SNX29: variants seen among roughly 807,000 people sequenced by gnomAD.
The protein encoded by SNX29 is sorting nexin-29.
A neutral mutation model predicts 102.1 loss-of-function variants in SNX29; 78 were observed. The ratio of observed to expected loss-of-function variants is 0.76; its 90% CI spans 0.64 to 0.92. The LOEUF is 0.92. Ranked by LOEUF, SNX29 falls within the 40% of genes least tolerant of loss-of-function variation. SNX29 has a pLI of 0.00. For missense variants in SNX29, 1,280 were observed against 1,061.7 expected, an observed-to-expected ratio of 1.21 and a Z score of -2.86; for synonymous variants, 580 against 414.5, an observed-to-expected ratio of 1.40 and a Z score of -4.85.
intron 15 of SNX29, among the ~76,000 whole-genome samples, chr16:12,306,613 G>A (rs2080346869): frequency 6.6e-6 from 1 of 152,132 alleles, no homozygotes. Flanking sequence ...ATTCCCTCCA[G>A]CGGAAATTGA....
chr16:12,335,190 C>T (rs1020182666), intron 15 of SNX29, among the ~76,000 whole-genome samples: 2 of 152,014 alleles, frequency 1.3e-5, no homozygotes, highest in African/African-American at 4.8e-5. Flanking sequence ...TCGCTATTGT[C>T]TTAAATGTCT....
intron 19 of SNX29, among the ~76,000 whole-genome samples, chr16:12,522,905 G>A (rs893745292): frequency 3.9e-5 from 6 of 152,076 alleles, no homozygotes; most frequent in African/African-American, 7.2e-5. Flanking sequence ...CTACCTCTCG[G>A]GCTTAAGCAG....
chr16:12,563,407 G>C (rs112198995), intron 20 of SNX29, among the ~76,000 whole-genome samples: 4 of 152,306 alleles, frequency 2.6e-5, no homozygotes, highest in South Asian at 2.1e-4. Flanking sequence ...AATAGATGGC[G>C]ACTGGATTTT....
intron 13 of SNX29, among the ~76,000 whole-genome samples, chr16:12,194,993 T>C (rs554144997): frequency 6.6e-6 from 1 of 152,298 alleles, no homozygotes; most frequent in African/African-American, 2.4e-5. Flanking sequence ...GTTGAAAAAT[T>C]AAAGAAAAAT....
chr16:12,112,883 T>G (rs1025145222), intron 11 of SNX29, among the ~76,000 whole-genome samples: 6 of 152,170 alleles, frequency 3.9e-5, no homozygotes, highest in Non-Finnish European at 8.8e-5. Flanking sequence ...ATGGAGAATA[T>G]TTCCCCTGTA....
At chr16:12,492,009 T>C (rs1320156754) in intron 19 of SNX29, among the ~76,000 whole-genome samples, 23 of 152,374 alleles carry the variant, frequency 1.5e-4, no homozygotes, top group Middle Eastern at 3.4e-3. Flanking sequence ...TGTGTCTTTA[T>C]AGCAGCATGA....
At chr16:12,071,066 T>C (rs530842850) in intron 10 of SNX29, among the ~76,000 whole-genome samples, 336 of 152,056 alleles carry the variant, frequency 2.2e-3, no homozygotes, top group Non-Finnish European at 3.9e-3. Flanking sequence ...ATTCTGGATA[T>C]TAGCCCTTTG....
intron 19 of SNX29, among the ~76,000 whole-genome samples, chr16:12,484,908 T>C (rs1394784295): frequency 6.6e-6 from 1 of 152,254 alleles, no homozygotes; most frequent in East Asian, 1.9e-4. Flanking sequence ...TGGAAGCTCA[T>C]GAACCAGGAC....
chr16:12,572,291 C>G lies in SNX29; in HGVS notation c.*3662C>G. The G allele has an allele frequency of 9.9e-7, 1 of 1,007,228 alleles. No homozygotes were observed. Among genetic ancestry groups the G allele is most frequent in the Non-Finnish European group, 1.2e-6 (1 of 858,528 alleles). 62.4% of individuals were successfully genotyped at this position (1,007,228 alleles called of 1,614,324 possible). The stretch of plus-strand genomic sequence containing the variant: ...CTGATGCAACTAACAAGTACTGGGG[C>G]CAGTGATCACAATCCAGGTTGGAAA... On this transcript the variant is annotated 3_prime_UTR_variant, in exon 21 of 21. Transcript: ENST00000566228.
chr16:12,474,754 T>A (rs2087512502), intron 18 of SNX29, among the ~76,000 whole-genome samples: 1 of 152,236 alleles, frequency 6.6e-6, no homozygotes, highest in Non-Finnish European at 1.5e-5. Context: ...GTAATTTTTT[T>A]AAAGTGCATT....
intron 19 of SNX29, among the ~76,000 whole-genome samples, chr16:12,487,658 G>A (rs762461477): frequency 3.3e-5 from 5 of 152,148 alleles, no homozygotes; most frequent in African/African-American, 4.8e-5. Flanking sequence ...CGTAAAGTTC[G>A]TCATGTGAAG....
chr16:12,118,313 C>CTTTCTTTTTTTTTTTT lies in SNX29; in HGVS notation c.1403-8317_1403-8316insCTTTTTTTTTTTTTTT, dbSNP rs1286174976. 1.3e-3 allele frequency among the ~76,000 whole-genome samples: 114 copies of CTTTCTTTTTTTTTTTT among 86,124 alleles called. 3 individuals are homozygous for CTTTCTTTTTTTTTTTT. The highest frequency in any genetic ancestry group is 9.6e-3 in the East Asian group (18 of 1,874). 56.5% of individuals were successfully genotyped at this position (86,124 alleles called of 152,430 possible). ...TGTAGATAGTAGATATACAGACCACCTTTTTTTTTTTTTTTTTTTTTTTAT... is the reference window on the plus strand; with the variant it reads ...TGTAGATAGTAGATATACAGACCACCTTTCTTTTTTTTTTTTTTTTTTTTTTTTTTTTTTTTTTTAT... On this transcript the variant is annotated intron_variant, in intron 11 of 20. Transcript: ENST00000566228.
chr16:11,998,556 T>G (rs2056172393), intron 1 of SNX29, among the ~76,000 whole-genome samples: 1 of 152,214 alleles, frequency 6.6e-6, no homozygotes, highest in African/African-American at 2.4e-5. Flanking sequence ...TTTGTGATTC[T>G]CTAGGTCTTT....
At chr16:12,524,353 G>T (rs2090214406) in intron 19 of SNX29, among the ~76,000 whole-genome samples, 1 of 151,804 alleles carries the variant, frequency 6.6e-6, no homozygotes, top group Non-Finnish European at 1.5e-5. Flanking sequence ...TCGCTGGCCT[G>T]TGAACTCCAC....
At chr16:12,483,114 G>GTTTTTGTTTTTGTT (rs71139598) in intron 19 of SNX29, among the ~76,000 whole-genome samples, 2 of 66,196 alleles carry the variant, frequency 3.0e-5, no homozygotes, top group Non-Finnish European at 5.6e-5. Flanking sequence ...AAGTTATTAA[G>GTTTTTGTTTTTGTT]TTTTTTTTTT....
chr16:12,135,616 G>A (rs374476941), intron 13 of SNX29: 35 of 1,345,068 alleles, frequency 2.6e-5, no homozygotes, highest in East Asian at 2.2e-4. Flanking sequence ...AGAAATGGAG[G>A]GAGAGAGAAA....
chr16:12,479,815 C>G (rs893595739), intron 19 of SNX29, among the ~76,000 whole-genome samples: 3 of 152,186 alleles, frequency 2.0e-5, no homozygotes, highest in East Asian at 3.9e-4. Context: ...AGCTTCTTCA[C>G]GGAATCTGCC....
intron 8 of SNX29, among the ~76,000 whole-genome samples, chr16:12,053,939 A>G (rs1001671302): frequency 2.6e-5 from 4 of 151,724 alleles, no homozygotes; most frequent in Non-Finnish European, 5.9e-5. Flanking sequence ...GGATTCAGGT[A>G]TGCTGTAATC....
chr16:12,447,964 A>T (rs1221735537), intron 18 of SNX29, among the ~76,000 whole-genome samples: 1 of 152,216 alleles, frequency 6.6e-6, no homozygotes, highest in Non-Finnish European at 1.5e-5. Context: ...GGTAGCTGAG[A>T]TCATTCACAT....
Sources: gnomAD v4.1 joint callset for allele counts (sites outside exome capture counted in the v4.1 genomes callset) on GRCh38, gnomAD v4.1.1 for gene constraint, MANE v1.5 for transcripts, NCBI Gene and HGNC (gene_info 2026-07-23, HGNC 2026-07-21) for gene names.